BMPR1B: variants seen among roughly 807,000 people sequenced by gnomAD.
BMPR1B encodes bone morphogenetic protein receptor type-1B.
In BMPR1B, 12 loss-of-function variants were observed where a neutral mutation model predicts 59.1. The ratio of observed to expected loss-of-function variants is 0.20; its 90% CI spans 0.13 to 0.33. The LOEUF (loss-of-function observed/expected upper bound fraction) is 0.33. Ranked by LOEUF, BMPR1B falls within the 10% of genes least tolerant of loss-of-function variation. The probability of loss-of-function intolerance (pLI) is 1.00; values close to 1 mark genes in which losing one functional copy is unlikely to be tolerated. For synonymous variants in BMPR1B, 237 were observed against 207.3 expected (o/e 1.14, Z -1.23); for missense variants, 550 against 610.9 (o/e 0.90, Z 1.05).
chr4:94,776,843 C>A (rs74664334), intron 1 of BMPR1B, among the ~76,000 whole-genome samples: 2 of 152,246 alleles, frequency 1.3e-5, no homozygotes, highest in African/African-American at 2.4e-5. Flanking sequence ...AAGAAAATCA[C>A]CTGAAACTGC....
chr4:94,860,766 T>C (rs1018185157), intron 1 of BMPR1B, among the ~76,000 whole-genome samples: 2 of 152,230 alleles, frequency 1.3e-5, no homozygotes, highest in African/African-American at 4.8e-5. Context: ...TATGTAGACA[T>C]TTCTGGTGCC....
chr4:94,984,213 CACTT>C (rs1721262646), intron 2 of BMPR1B, among the ~76,000 whole-genome samples: 1 of 152,172 alleles, frequency 6.6e-6, no homozygotes, highest in African/African-American at 2.4e-5. Flanking sequence ...TTTCATCACT[CACTT>C]GGGACTTTTT....
Position 94,788,505 on chromosome 4 carries a change from T to C in BMPR1B, c.-183+30437T>C, listed in dbSNP as rs560874104. On this transcript the variant is annotated intron_variant, in intron 1 of 12. Coordinates refer to ENST00000515059, the MANE Select transcript of BMPR1B (RefSeq NM_001203.3). ...GGGAATAAAAGTCTGGGTCACCCCA[T>C]AAGGCAAAAACCAGACCACCCAGAG... is the stretch of plus-strand genomic sequence containing the variant. Among the ~76,000 whole-genome samples, 29 of 152,098 alleles carry C rather than the reference T, an allele frequency of 1.9e-4. 1 individual carries two copies. The South Asian group carries it at 2.5e-3, about 13-fold the overall frequency.
At chr4:95,014,365 ATTAAG>A (rs963384083) in intron 3 of BMPR1B, among the ~76,000 whole-genome samples, 7 of 152,224 alleles carry the variant, frequency 4.6e-5, no homozygotes, top group African/African-American at 7.2e-5. Flanking sequence ...ATTAAGAATA[ATTAAG>A]TTAATAAAAG....
intron 1 of BMPR1B, among the ~76,000 whole-genome samples, chr4:94,779,204 A>T: frequency 6.6e-6 from 1 of 152,244 alleles, no homozygotes; most frequent in East Asian, 1.9e-4. Context: ...CCATATAAAT[A>T]TGTGTAACCT....
intron 2 of BMPR1B, among the ~76,000 whole-genome samples, chr4:94,965,042 T>G (rs959824714): frequency 1.7e-4 from 26 of 152,144 alleles, no homozygotes; most frequent in Admixed American, 1.7e-3. Flanking sequence ...TCTATCACTT[T>G]ATTGTCCACA....
intron 2 of BMPR1B, among the ~76,000 whole-genome samples, chr4:94,910,076 G>C (rs78924284): frequency 1.3e-5 from 2 of 151,994 alleles, no homozygotes; most frequent in Non-Finnish European, 2.9e-5. Flanking sequence ...GCCTTTAAAA[G>C]ACATTCTAGA....
intron 3 of BMPR1B, among the ~76,000 whole-genome samples, chr4:95,006,181 G>C (rs1453191690): frequency 2.0e-5 from 3 of 152,042 alleles, no homozygotes; most frequent in Admixed American, 1.3e-4. Context: ...TGAGGCGGGA[G>C]TATCCTTTGA....
intron 3 of BMPR1B, among the ~76,000 whole-genome samples, chr4:95,033,512 T>C (rs570121098): frequency 3.5e-4 from 53 of 152,302 alleles, no homozygotes; most frequent in African/African-American, 1.3e-3. Context: ...TACAGGTGGA[T>C]ATCCAGTTTT....
intron 1 of BMPR1B, among the ~76,000 whole-genome samples, chr4:94,813,284 G>A (rs562148881): frequency 1.3e-5 from 2 of 152,240 alleles, no homozygotes; most frequent in African/African-American, 2.4e-5. Flanking sequence ...GACACTTGAG[G>A]GTTCTTCTGT....
chr4:95,001,558 C>G (rs1053641741), intron 3 of BMPR1B, among the ~76,000 whole-genome samples: 1 of 152,080 alleles, frequency 6.6e-6, no homozygotes, highest in Non-Finnish European at 1.5e-5. Flanking sequence ...AGCTAAAAAA[C>G]AAGTTTCATG....
chr4:94,902,247 C>CAT (rs1202577252), intron 2 of BMPR1B, among the ~76,000 whole-genome samples: 3 of 84,732 alleles, frequency 3.5e-5, no homozygotes, highest in African/African-American at 1.5e-4. Context: ...CACACACACA[C>CAT]ACAGAGAGAG....
chr4:94,818,163 A>G (rs537239563), intron 1 of BMPR1B, among the ~76,000 whole-genome samples: 1 of 152,200 alleles, frequency 6.6e-6, no homozygotes, highest in East Asian at 1.9e-4. Flanking sequence ...TTTTTAAAGG[A>G]CTATTTTATA....
chr4:94,957,303 T>C (rs991332882), intron 2 of BMPR1B, among the ~76,000 whole-genome samples: 1 of 148,496 alleles, frequency 6.7e-6, no homozygotes, highest in Admixed American at 6.7e-5. Flanking sequence ...ATGGACACAC[T>C]GTGTACAGAG....
intron 1 of BMPR1B, among the ~76,000 whole-genome samples, chr4:94,867,313 A>G (rs1412214873): frequency 6.6e-6 from 1 of 152,078 alleles, no homozygotes; most frequent in African/African-American, 2.4e-5. Context: ...AGACACCTCA[A>G]ACTCAATATA....
intron 1 of BMPR1B, among the ~76,000 whole-genome samples, chr4:94,802,852 CT>C (rs1723461907): frequency 6.7e-6 from 1 of 150,084 alleles, no homozygotes; most frequent in Non-Finnish European, 1.5e-5. Flanking sequence ...ATTCTTCTCT[CT>C]AGGGAATGTT....
chr4:94,915,459 CTT>C (rs1388545931), intron 2 of BMPR1B, among the ~76,000 whole-genome samples: 5 of 152,152 alleles, frequency 3.3e-5, no homozygotes, highest in African/African-American at 1.2e-4. Flanking sequence ...CATAAATTGA[CTT>C]TTCTAGTTTG....
chr4:94,960,244 C>T (rs1186121212), intron 2 of BMPR1B, among the ~76,000 whole-genome samples: 1 of 152,128 alleles, frequency 6.6e-6, no homozygotes, highest in Non-Finnish European at 1.5e-5. Flanking sequence ...TGTGAAACAT[C>T]TCCTTGGTAC....
At chr4:95,039,087 A>G (rs1015180883) in intron 3 of BMPR1B, among the ~76,000 whole-genome samples, 2 of 152,200 alleles carry the variant, frequency 1.3e-5, no homozygotes, top group African/African-American at 4.8e-5. Context: ...CTCTGTAACT[A>G]AGGCTCTTAT....
Sources: allele counts gnomAD v4.1 joint callset (sites outside exome capture counted in the v4.1 genomes callset), GRCh38; gene constraint gnomAD v4.1.1; transcripts MANE v1.5; gene names NCBI Gene and HGNC (gene_info 2026-07-23, HGNC 2026-07-21).